Variants in MEI1 observed in about 807,000 individuals in gnomAD.
The protein encoded by MEI1 is meiotic double-stranded break formation protein 1, also known as meiosis inhibitor protein 1.
MEI1 carries 103 observed loss-of-function variants against 146.2 expected under a neutral mutation model. The ratio of observed to expected loss-of-function variants is 0.70; its 90% CI spans 0.60 to 0.83. The LOEUF is 0.83. Among genes scored for constraint, MEI1 ranks in the 40% least tolerant of loss-of-function variants. The pLI, the probability that MEI1 is intolerant of heterozygous loss-of-function variation, is 0.00. For synonymous variants in MEI1, 652 were observed against 628.2 expected (o/e 1.04, Z -0.57); for missense variants, 1,529 against 1,533.0 (o/e 1.00, Z 0.04).
In MEI1 at chr22:41,769,800, G is replaced by GTTA. The variant is rs1447690870; in HGVS notation, c.2269-886_2269-885insTTA. Among the ~76,000 whole-genome samples, 4 of 151,750 alleles carry GTTA rather than the reference G, an allele frequency of 2.6e-5. No individual in the cohort carries two copies. The East Asian group carries it at 7.8e-4, about 30-fold the overall frequency. The stretch of plus-strand genomic sequence containing the variant: ...TACTAAGAAATTTGAACATTGTTAT[G>GTTA]GGAATGCAATGGGAAGAGGTAGGTT... On this transcript the variant is annotated intron_variant, in intron 19 of 30. Transcript: ENST00000401548.
chr22:41,724,480 T>G (rs1244407312), intron 7 of MEI1, among the ~76,000 whole-genome samples: 1 of 151,990 alleles, frequency 6.6e-6, no homozygotes, highest in Non-Finnish European at 1.5e-5. Context: ...TAGCTGGGCG[T>G]GGTGGCACAC....
intron 11 of MEI1, among the ~76,000 whole-genome samples, chr22:41,735,227 GT>G (rs1279915415): frequency 0.077 from 6,553 of 85,528 alleles, 280 homozygotes; most frequent in African/African-American, 0.24. Context: ...CTCCCAAAGT[GT>G]TTTTTTTTTT....
At chr22:41,793,063 T>TTTTTC (rs1569336429) in intron 26 of MEI1, among the ~76,000 whole-genome samples, 1 of 118,568 alleles carries the variant, frequency 8.4e-6, no homozygotes, top group Admixed American at 1.0e-4. Flanking sequence ...TTTTTTTTTT[T>TTTTTC]CAGATAGAGT....
chr22:41,770,719 G>A lies in MEI1; in HGVS notation c.2302G>A (p.Gly768Ser). Residue 768 changes from glycine (G) to serine (S), a missense_variant, in exon 20 of 31, where the codon GGC becomes AGC. By Grantham distance (56) the Gly-to-Ser change is moderately conservative. Around this residue, in one of 3 missense-constraint regions of MEI1, gnomAD observed 1,212 missense variants for 1,178.9 expected, o/e 1.03. Coordinates refer to ENST00000401548, the MANE Select transcript of MEI1 (RefSeq NM_152513.4). ...CAGTGCAATCAGAAAATTCCTAGAA[G>A]GCATCCCAGACCTGCAGCTAGTCTA... ...MVSAIRKFLE[G>S]IPDLQLVYTH... 1 of 1,613,870 alleles carries A rather than the reference G, an allele frequency of 6.2e-7. No homozygotes were observed. The highest frequency in any genetic ancestry group is 8.5e-7 in the Non-Finnish European group (1 of 1,179,866).
intron 15 of MEI1, among the ~76,000 whole-genome samples, chr22:41,751,436 A>G (rs575330120): frequency 1.3e-5 from 2 of 150,110 alleles, no homozygotes; most frequent in South Asian, 4.1e-4. Context: ...TACTGGGGAG[A>G]CTGGGAGGAG....
At chr22:41,773,192 T>G (rs1170240357) in intron 20 of MEI1, among the ~76,000 whole-genome samples, 1 of 152,078 alleles carries the variant, frequency 6.6e-6, no homozygotes, top group East Asian at 1.9e-4. Flanking sequence ...CTGGAGGTGG[T>G]GGAGGTCAGG....
At chr22:41,775,967 G>A in intron 20 of MEI1, 135 bp from the exon 21 acceptor site, 1 of 809,444 alleles carries the variant, frequency 1.2e-6, no homozygotes, top group Non-Finnish European at 2.0e-6. Flanking sequence ...CATAATAGGT[G>A]CTGAGTAAGT....
At chr22:41,798,933 T>C (rs1602224018) in intron 30 of MEI1, among the ~76,000 whole-genome samples, 1 of 150,304 alleles carries the variant, frequency 6.7e-6, no homozygotes, top group Admixed American at 6.6e-5. Flanking sequence ...GACCCTCTGG[T>C]AGGTGGCTGG....
intron 1 of MEI1, 78 bp downstream of exon 1, chr22:41,699,790 C>G: frequency 6.9e-7 from 1 of 1,456,258 alleles, no homozygotes; most frequent in Non-Finnish European, 9.1e-7. Context: ...CCTTGCCAGA[C>G]CCGCTCCGGT....
intron 19 of MEI1, among the ~76,000 whole-genome samples, chr22:41,764,742 G>T (rs2074731110): frequency 6.6e-6 from 1 of 152,168 alleles, no homozygotes; most frequent in Non-Finnish European, 1.5e-5. Context: ...AATTAACAAT[G>T]ATCTGAGTCC....
In MEI1 at chr22:41,795,369, G is replaced by T. The variant is rs746384158; in HGVS notation, c.3535-42G>T. ...AGCAGTTGTCTATGATGAAGGAGAT[G>T]CCAAATCACTGGGTGTTTGGGGGTT... On this transcript the variant is annotated intron_variant, in intron 28 of 30. Coordinates refer to ENST00000401548, the MANE Select transcript of MEI1 (RefSeq NM_152513.4). The surrounding 1 kb of genome is among the most constrained non-coding windows in gnomAD (Gnocchi z 4.2). The T allele has an allele frequency of 1.9e-6, 3 of 1,609,394 alleles. No homozygotes were observed. The highest frequency in any genetic ancestry group is 1.7e-4 in the Middle Eastern group (1 of 5,966).
intron 11 of MEI1, among the ~76,000 whole-genome samples, chr22:41,741,796 T>A (rs2072889373): frequency 6.6e-6 from 1 of 151,962 alleles, no homozygotes; most frequent in South Asian, 2.1e-4. Flanking sequence ...ATACAAAAAT[T>A]AACTGGGTGT....
chr22:41,772,344 C>T (rs1407401421), intron 20 of MEI1, among the ~76,000 whole-genome samples: 1 of 152,124 alleles, frequency 6.6e-6, no homozygotes, highest in Non-Finnish European at 1.5e-5. Flanking sequence ...GCCTTAGCCT[C>T]CCAAGTAACT....
chr22:41,763,328 A>G lies in MEI1; in HGVS notation c.2268+7A>G. ...AGACAATACACTACGTGAGGTATGG[A>G]CCACAATGCCTGGGCTCCTTGTCCT... On this transcript the variant is annotated splice_region_variant and intron_variant, in intron 19 of 30. Transcript: ENST00000401548. The G allele has an allele frequency of 6.2e-7, 1 of 1,613,256 alleles. No individual in the cohort carries two copies. The highest frequency in any genetic ancestry group is 8.5e-7 in the Non-Finnish European group (1 of 1,179,536).
chr22:41,752,427 T>G lies in MEI1; in HGVS notation c.1793-164T>G, dbSNP rs957252973. The G allele has an allele frequency of 1.9e-5, 12 of 634,506 alleles. No individual in the cohort carries two copies. In the African/African-American group the frequency reaches 2.0e-4, roughly 11 times the overall value. 39.3% of individuals were successfully genotyped at this position (634,506 alleles called of 1,614,324 possible). A position where few individuals can be genotyped will look rare whatever the true frequency, so the allele number is the denominator to read the frequency against. On this transcript the variant is annotated intron_variant, in intron 15 of 30. Transcript: ENST00000401548. ...TATCAAAACTGAGTCTCAGAGAAGT[T>G]AAAAAACTTTTCCGGAGTGAAACTA...
chr22:41,717,075 C>CT (rs11461373), intron 5 of MEI1, among the ~76,000 whole-genome samples: 12,151 of 152,040 alleles, frequency 0.08, 1,339 homozygotes, highest in African/African-American at 0.25. Context: ...TATAGAAGCA[C>CT]TTTTTTCTGT....
At chr22:41,781,592 G>T (rs1326058625) in intron 23 of MEI1, 93 bp from the exon 24 acceptor site, 2 of 1,420,588 alleles carry the variant, frequency 1.4e-6, no homozygotes, top group Non-Finnish European at 1.9e-6. Flanking sequence ...CTGTTTGTTT[G>T]TGAAGCCCCA....
chr22:41,772,018 G>C (rs1228830856), intron 20 of MEI1, among the ~76,000 whole-genome samples: 2 of 152,064 alleles, frequency 1.3e-5, no homozygotes, highest in Non-Finnish European at 2.9e-5. Flanking sequence ...CACAGTGTTA[G>C]GTGATTTTGT....
At chr22:41,790,667 A>G (rs2076146966) in intron 26 of MEI1, among the ~76,000 whole-genome samples, 1 of 151,278 alleles carries the variant, frequency 6.6e-6, no homozygotes, top group African/African-American at 2.4e-5. Flanking sequence ...ATCTCGGCTC[A>G]CTTACAACCT....
Sources: gnomAD v4.1 joint callset for allele counts (sites outside exome capture counted in the v4.1 genomes callset) on GRCh38, gnomAD v4.1.1 for gene constraint, gnomAD v4.1.1 regional missense constraint, Gnocchi (gnomAD v3.1) non-coding constraint, MANE v1.5 for transcripts, NCBI Gene and HGNC (gene_info 2026-07-23, HGNC 2026-07-21) for gene names.